HEXA: variants seen among roughly 807,000 people sequenced by gnomAD.
The protein encoded by HEXA is beta-hexosaminidase subunit alpha.
HEXA carries 54 observed loss-of-function variants against 73.3 expected under a neutral mutation model. The ratio of observed to expected loss-of-function variants is 0.74; its 90% CI spans 0.59 to 0.92. The LOEUF (loss-of-function observed/expected upper bound fraction) is 0.92. HEXA is among the 40% of genes least tolerant of loss of function. The pLI is 0.00. For synonymous variants in HEXA, 230 were observed against 246.9 expected (o/e 0.93, Z 0.64); for missense variants, 649 against 653.0 (o/e 0.99, Z 0.07).
At chr15:72,345,652 T>C (rs1428575152) in intron 12 of HEXA, 102 bp from the exon 13 acceptor site, 1 of 1,552,534 alleles carries the variant, frequency 6.4e-7, no homozygotes, top group Admixed American at 1.9e-5. Context: ...CTGGACTCAC[T>C]CAGGCCAAAG....
chr15:72,374,221 A>AT (rs34736306), intron 1 of HEXA, among the ~76,000 whole-genome samples: 111,739 of 151,366 alleles, frequency 0.74, 47,682 homozygotes, highest in Non-Finnish European at 0.93. Context: ...AGTTAGACGG[A>AT]TTTTTTTTTC....
chr15:72,345,231 G>A, intron 13 of HEXA: 1 of 805,322 alleles, frequency 1.2e-6, no homozygotes, highest in Non-Finnish European at 1.9e-6. Context: ...TATGTAAATA[G>A]TTGTTATACA....
At chr15:72,356,430 C>T (rs2088780505) in intron 2 of HEXA, 95 bp downstream of exon 2, 3 of 1,373,232 alleles carry the variant, frequency 2.2e-6, no homozygotes, top group African/African-American at 2.8e-5. Context: ...AGGGGGACTC[C>T]AGGCCGAGCA....
chr15:72,367,940 G>A (rs908813168), intron 1 of HEXA, among the ~76,000 whole-genome samples: 5 of 152,006 alleles, frequency 3.3e-5, no homozygotes, highest in Admixed American at 1.3e-4. Context: ...TTCCTCTTCT[G>A]CACTCCCAAA....
At chr15:72,358,521 T>C (rs1189984825) in intron 1 of HEXA, 1 of 152,220 alleles carries the variant, frequency 6.6e-6, no homozygotes, top group African/African-American at 2.4e-5. Flanking sequence ...CCTAAATCTG[T>C]AGTCTTTTGG....
At chr15:72,355,884 G>A (rs1448930342) in intron 2 of HEXA, 1 of 563,068 alleles carries the variant, frequency 1.8e-6, no homozygotes. Context: ...AGGCTGGAGT[G>A]GAGGTCTGTA....
intron 8 of HEXA, among the ~76,000 whole-genome samples, chr15:72,348,600 A>G (rs918052348): frequency 6.6e-6 from 1 of 152,224 alleles, no homozygotes; most frequent in Admixed American, 6.5e-5. Context: ...CCAAAAAGCC[A>G]AATTGATTTC....
chr15:72,365,771 ACTT>A (rs1225467993), intron 1 of HEXA, among the ~76,000 whole-genome samples: 3 of 152,322 alleles, frequency 2.0e-5, no homozygotes, highest in Admixed American at 6.5e-5. Context: ...GATCAGAAAT[ACTT>A]CTTTGATCAT....
chr15:72,349,043 G>C (rs745408737), intron 8 of HEXA, 36 bp downstream of exon 8: 1 of 1,574,354 alleles, frequency 6.4e-7, no homozygotes. Context: ...GTAAGCAACT[G>C]ATCAGGCCAC....
rs121907971 is a variant in HEXA, at chr15:72,350,551, C to G, written c.772G>C (p.Asp258His). The change falls in exon 7 of 14, where the codon GAC becomes CAC. Residue 258 changes from aspartate (D) to histidine (H), a missense_variant. Asp to His is a moderately conservative substitution (Grantham distance 81). Transcript: ENST00000268097. ...CAGGACAAAGTGTGGCCAGGAGTGT[C>G]AAACTCTGCAAGCACACGGATACCC... ...LRGIRVLAEF[D>H]TPGHTLSWGP... is the part of the protein sequence containing the mutation. 3 of 1,614,062 alleles carry G rather than the reference C, an allele frequency of 1.9e-6. No homozygotes were observed. The highest frequency in any genetic ancestry group is 2.5e-6 in the Non-Finnish European group (3 of 1,180,048).
chr15:72,375,735 G>C lies in HEXA; in HGVS notation c.238C>G (p.Arg80Gly). 1.2e-6 allele frequency: 2 copies of C among 1,614,166 alleles called. No individual in the cohort carries two copies. Among genetic ancestry groups the C allele is most frequent in the Non-Finnish European group, 1.7e-6 (2 of 1,180,032 alleles). ...TCCGACTCACCTGTGAGGTAAGGAC[G>C]GGGCCAAGACCCGGAACCGAAAAGC... ...DLLFGSGSWP[R>G]PYLTGKRHTL... is the part of the protein sequence containing the mutation. The change falls in exon 1 of 14, where the codon CGT (arginine) becomes GGT (glycine). Residue 80 changes from arginine to glycine, a missense_variant. By Grantham distance (125) the Arg-to-Gly change is moderately radical (BLOSUM62 -2). Coordinates refer to ENST00000268097, the MANE Select transcript of HEXA (RefSeq NM_000520.6).
chr15:72,365,322 A>C (rs984944656), intron 1 of HEXA, among the ~76,000 whole-genome samples: 1 of 152,124 alleles, frequency 6.6e-6, no homozygotes, highest in African/African-American at 2.4e-5. Flanking sequence ...GATGGTCTAG[A>C]TCTCCTGACC....
At chr15:72,348,986 G>T in intron 8 of HEXA, 93 bp downstream of exon 8, 1 of 1,003,544 alleles carries the variant, frequency 1.0e-6, no homozygotes. Flanking sequence ...ACCCCTGAGA[G>T]CAGCAGCTGA....
In HEXA at chr15:72,347,003, G is replaced by A. The variant is rs111734942; in HGVS notation, c.1147-293C>T. On this transcript the variant is annotated intron_variant, in intron 10 of 13. Transcript: ENST00000268097. ...GAGGGAGGCAAGCAGTGGGACCCAG[G>A]AGCTGCCATGTCCAAAAGTCTCCAG... Among the ~76,000 whole-genome samples the A allele has an allele frequency of 5.9e-4, 89 of 151,762 alleles. 3 individuals carry two copies. Among genetic ancestry groups the A allele is most frequent in the African/African-American group, 2.0e-3 (81 of 41,490 alleles).
chr15:72,370,698 A>AAAAAAAAAG, intron 1 of HEXA: 1 of 211,226 alleles, frequency 4.7e-6, no homozygotes, highest in Non-Finnish European at 7.7e-6. Context: ...CCTGTTTCTT[A>AAAAAAAAAG]AAAAAAAAAA....
At chr15:72,371,619 CAA>C (rs1277180703) in intron 1 of HEXA, among the ~76,000 whole-genome samples, 3 of 142,058 alleles carry the variant, frequency 2.1e-5, no homozygotes, top group African/African-American at 5.6e-5. Context: ...AAAAAGAAAA[CAA>C]AACCCAAACC....
intron 10 of HEXA, 165 bp from the exon 11 acceptor site, chr15:72,346,875 A>C: frequency 2.8e-6 from 2 of 713,362 alleles, no homozygotes; most frequent in Non-Finnish European, 5.0e-6. Context: ...CTCAGGACAG[A>C]GGCCAAGGAA....
chr15:72,366,083 G>A (rs1305354658), intron 1 of HEXA, among the ~76,000 whole-genome samples: 1 of 152,068 alleles, frequency 6.6e-6, no homozygotes, highest in African/African-American at 2.4e-5. Flanking sequence ...ACTGAAGCCT[G>A]GCTCTCCCCA....
intron 5 of HEXA, 111 bp downstream of exon 5, chr15:72,352,957 C>G: frequency 1.4e-6 from 1 of 735,682 alleles, no homozygotes; most frequent in East Asian, 2.7e-5. Context: ...AGCCACCACA[C>G]CCAGTCCATA....
Sources: gnomAD v4.1 joint callset for allele counts (sites outside exome capture counted in the v4.1 genomes callset) on GRCh38, gnomAD v4.1.1 for gene constraint, MANE v1.5 for transcripts, NCBI Gene and HGNC (gene_info 2026-07-23, HGNC 2026-07-21) for gene names.